CNTN5: variants seen among roughly 807,000 people sequenced by gnomAD.
CNTN5 encodes contactin 5, also known as contactin-5.
A neutral mutation model predicts 129.1 loss-of-function variants in CNTN5; 77 were observed. The observed-to-expected ratio is 0.60, with a 90% CI of 0.50 to 0.72. The LOEUF (loss-of-function observed/expected upper bound fraction) is 0.72. CNTN5 is among the 30% of genes least tolerant of loss of function. CNTN5 has a pLI of 0.00. For missense variants in CNTN5, 1,478 were observed against 1,328.8 expected (o/e 1.11, Z -1.75); for synonymous variants, 509 against 465.6 (o/e 1.09, Z -1.20).
intron 17 of CNTN5, among the ~76,000 whole-genome samples, chr11:100,268,276 G>A (rs903731652): frequency 4.6e-5 from 7 of 152,146 alleles, no homozygotes; most frequent in South Asian, 2.1e-4. Context: ...GAGGTTTAGC[G>A]TAAAGTTATT....
intron 2 of CNTN5, among the ~76,000 whole-genome samples, chr11:99,551,923 T>A (rs1002101344): frequency 6.6e-5 from 10 of 151,880 alleles, no homozygotes; most frequent in Admixed American, 6.6e-4. Flanking sequence ...TTTTTTTTTT[T>A]TTGAGACAGA....
intron 1 of CNTN5, chr11:99,120,145 T>C (rs1203025146): frequency 1.3e-5 from 2 of 152,190 alleles, no homozygotes; most frequent in African/African-American, 4.8e-5. Context: ...AATTTGTCAA[T>C]TTTTGCTTTT....
At chr11:100,038,837 C>T (rs1044027141) in intron 9 of CNTN5, among the ~76,000 whole-genome samples, 1 of 152,116 alleles carries the variant, frequency 6.6e-6, no homozygotes, top group African/African-American at 2.4e-5. Flanking sequence ...CTTCCTCTAT[C>T]CCTTTATTTT....
At chr11:100,028,863 T>C (rs1302536067) in intron 9 of CNTN5, among the ~76,000 whole-genome samples, 4 of 152,256 alleles carry the variant, frequency 2.6e-5, no homozygotes, top group Non-Finnish European at 5.9e-5. Flanking sequence ...CTTTCTTTTT[T>C]TCCTGTGAGT....
At chr11:100,145,774 T>G (rs560391526) in intron 13 of CNTN5, among the ~76,000 whole-genome samples, 14 of 152,158 alleles carry the variant, frequency 9.2e-5, no homozygotes, top group African/African-American at 3.4e-4. Flanking sequence ...GCAAACAGGG[T>G]TAGGCTTTCT....
intron 2 of CNTN5, among the ~76,000 whole-genome samples, chr11:99,538,425 A>G (rs1264893391): frequency 6.6e-6 from 1 of 152,162 alleles, no homozygotes; most frequent in Non-Finnish European, 1.5e-5. Flanking sequence ...TGTGTATATT[A>G]GCGCTAATTA....
At chr11:100,106,135 C>T (rs956129366) in intron 13 of CNTN5, among the ~76,000 whole-genome samples, 2 of 152,110 alleles carry the variant, frequency 1.3e-5, no homozygotes, top group Admixed American at 1.3e-4. Context: ...GCAGATGGTG[C>T]TGCTGTTATC....
At chr11:99,100,350 A>G (rs1866666333) in intron 1 of CNTN5, among the ~76,000 whole-genome samples, 1 of 152,180 alleles carries the variant, frequency 6.6e-6, no homozygotes, top group Admixed American at 6.5e-5. Context: ...CAAATCATGT[A>G]AGAACAATAT....
chr11:100,293,241 C>CACCTCCT (rs1468108653), intron 18 of CNTN5, among the ~76,000 whole-genome samples: 1 of 151,810 alleles, frequency 6.6e-6, no homozygotes, highest in African/African-American at 2.4e-5. Context: ...TTTGTACACT[C>CACCTCCT]ACCTCCTATC....
chr11:99,697,402 G>A (rs778223473), intron 3 of CNTN5, among the ~76,000 whole-genome samples: 1 of 151,402 alleles, frequency 6.6e-6, no homozygotes, highest in Non-Finnish European at 1.5e-5. Context: ...TACTATGTAC[G>A]CCTAATATGA....
chr11:99,260,867 G>T (rs1364931768), intron 1 of CNTN5, among the ~76,000 whole-genome samples: 1 of 151,870 alleles, frequency 6.6e-6, no homozygotes, highest in Non-Finnish European at 1.5e-5. Context: ...TCCTACAAAT[G>T]CTATGTATGT....
At chr11:99,958,031 C>G (rs1230146252) in intron 8 of CNTN5, among the ~76,000 whole-genome samples, 1 of 151,224 alleles carries the variant, frequency 6.6e-6, no homozygotes, top group Non-Finnish European at 1.5e-5. Flanking sequence ...GTAACAACAC[C>G]ATCAGGTAAA....
intron 2 of CNTN5, among the ~76,000 whole-genome samples, chr11:99,408,016 A>G (rs933738127): frequency 6.6e-6 from 1 of 151,996 alleles, no homozygotes; most frequent in African/African-American, 2.4e-5. Context: ...TGAAGTTAAA[A>G]CCAGGTATTG....
At chr11:99,924,751 C>A (rs1950022487) in intron 7 of CNTN5, among the ~76,000 whole-genome samples, 1 of 151,948 alleles carries the variant, frequency 6.6e-6, no homozygotes, top group Non-Finnish European at 1.5e-5. Context: ...CTATTCATTT[C>A]AAAATTTAAT....
intron 3 of CNTN5, among the ~76,000 whole-genome samples, chr11:99,810,161 A>G (rs1427692201): frequency 1.3e-5 from 2 of 152,162 alleles, no homozygotes; most frequent in African/African-American, 2.4e-5. Flanking sequence ...ATAAAAGTCT[A>G]TAATACCCAG....
At chr11:100,137,974 C>T (rs1946578540) in intron 13 of CNTN5, among the ~76,000 whole-genome samples, 1 of 151,662 alleles carries the variant, frequency 6.6e-6, no homozygotes, top group Non-Finnish European at 1.5e-5. Flanking sequence ...TGGCGATGAA[C>T]TTGAAGAATA....
intron 3 of CNTN5, among the ~76,000 whole-genome samples, chr11:99,617,447 T>C (rs117479540): frequency 0.037 from 5,639 of 152,296 alleles, 164 homozygotes; most frequent in Non-Finnish European, 0.049. Flanking sequence ...TTATCCATTA[T>C]CTTCCCGAAG....
rs559129484 is a variant in CNTN5 at position 99,397,950 on chromosome 11, G to A, written c.-71+72466G>A. ...TATACTACTGTGTGTGTATATACAC[G>A]CCTACAAATATTGCTGTATTTCACA... On this transcript the variant is annotated intron_variant, in intron 2 of 24. Coordinates refer to ENST00000524871, the MANE Select transcript of CNTN5 (RefSeq NM_014361.4). Among the ~76,000 whole-genome samples the A allele has an allele frequency of 4.6e-5, 7 of 151,826 alleles. 1 individual carries two copies. The highest frequency in any genetic ancestry group is 4.1e-4 in the South Asian group (2 of 4,822).
chr11:99,214,000 A>C (rs1859976982), intron 1 of CNTN5, among the ~76,000 whole-genome samples: 1 of 152,144 alleles, frequency 6.6e-6, no homozygotes. Context: ...TCTCTACTTG[A>C]TATTAGCAAT....
Sources: allele counts gnomAD v4.1 joint callset (sites outside exome capture counted in the v4.1 genomes callset), GRCh38; gene constraint gnomAD v4.1.1; transcripts MANE v1.5; gene names NCBI Gene and HGNC (gene_info 2026-07-23, HGNC 2026-07-21).